Variants in RPA1 observed in about 807,000 individuals in gnomAD.
RPA1 encodes replication protein A1.
A neutral mutation model predicts 83.0 loss-of-function variants in RPA1; 49 were observed. The observed-to-expected ratio is 0.59, with a 90% CI of 0.47 to 0.75. RPA1 has a LOEUF of 0.75. RPA1 is among the 30% of genes least tolerant of loss of function. The pLI, the probability that RPA1 is intolerant of heterozygous loss-of-function variation, is 0.00. For missense variants in RPA1, 693 were observed against 776.1 expected (o/e 0.89, Z 1.27); for synonymous variants, 279 against 281.8 (o/e 0.99, Z 0.10).
chr17:1,867,110 G>C (rs1216423427), intron 5 of RPA1, among the ~76,000 whole-genome samples: 1 of 152,062 alleles, frequency 6.6e-6, no homozygotes, highest in East Asian at 1.9e-4. Context: ...AATTGGAGAG[G>C]GAATCGGGTA....
chr17:1,882,575 C>T (rs533172124), intron 12 of RPA1, among the ~76,000 whole-genome samples: 37 of 152,024 alleles, frequency 2.4e-4, no homozygotes, highest in African/African-American at 8.2e-4. Flanking sequence ...GGCTGAGGCA[C>T]GAGAATCACT....
At chr17:1,851,779 T>C (rs1215320282) in intron 4 of RPA1, among the ~76,000 whole-genome samples, 1 of 152,198 alleles carries the variant, frequency 6.6e-6, no homozygotes, top group Non-Finnish European at 1.5e-5. Flanking sequence ...TTACAGGGAA[T>C]CTAGATACCA....
chr17:1,880,614 A>G lies in RPA1; in HGVS notation c.1164A>G (p.Gly388=). 2 of 1,614,008 alleles carry G rather than the reference A, an allele frequency of 1.2e-6. No individual in the cohort carries two copies. The highest frequency in any genetic ancestry group is 2.2e-5 in the South Asian group (2 of 91,066). ...GAGCCCGAGTCTCTGATTTCGGTGG[A>G]CGGAGCCTCTCCGTGCTGTCTTCAA... ...IKGARVSDFG[G]RSLSVLSSST... Residue 388 remains glycine (G), a synonymous_variant, in exon 12 of 17, where the codon GGA becomes GGG. Coordinates refer to ENST00000254719, the MANE Select transcript of RPA1 (RefSeq NM_002945.5).
intron 4 of RPA1, among the ~76,000 whole-genome samples, chr17:1,848,256 T>C (rs1273507922): frequency 1.3e-5 from 2 of 152,148 alleles, no homozygotes; most frequent in African/African-American, 4.8e-5. Flanking sequence ...ATAAACATGT[T>C]ATTTAAAAAG....
intron 12 of RPA1, among the ~76,000 whole-genome samples, chr17:1,883,461 T>TA (rs1251780515): frequency 3.9e-5 from 6 of 151,950 alleles, no homozygotes; most frequent in African/African-American, 1.5e-4. Context: ...GCGCCCAGCC[T>TA]AAAAAAAATT....
Position 1,897,310 on chromosome 17 carries a change from T to C in RPA1, c.*135T>C, listed in dbSNP as rs1914480985. 2 of 660,100 alleles carry C rather than the reference T, an allele frequency of 3.0e-6. No individual in the cohort carries two copies. The highest frequency in any genetic ancestry group is 5.2e-6 in the Non-Finnish European group (2 of 383,636). 40.9% of individuals were successfully genotyped at this position (660,100 alleles called of 1,614,324 possible). A position where few individuals can be genotyped will look rare whatever the true frequency, so the allele number is the denominator to read the frequency against. ...ATGGTGGACTAAGCAATTTCCCCCC[T>C]CGTGCGCATCTCAGAACCCATCGGT... On this transcript the variant is annotated 3_prime_UTR_variant, in exon 17 of 17. Coordinates refer to ENST00000254719, the MANE Select transcript of RPA1 (RefSeq NM_002945.5).
intron 5 of RPA1, among the ~76,000 whole-genome samples, chr17:1,871,188 A>G (rs918098719): frequency 1.3e-5 from 2 of 152,216 alleles, no homozygotes; most frequent in African/African-American, 4.8e-5. Context: ...TTTCACTGTC[A>G]ATAATCTGGC....
intron 5 of RPA1, among the ~76,000 whole-genome samples, chr17:1,855,248 C>T (rs1171803050): frequency 5.9e-5 from 9 of 152,014 alleles, no homozygotes; most frequent in Non-Finnish European, 1.3e-4. Context: ...CTGCAACCTC[C>T]GCCTCCCGGG....
chr17:1,833,882 T>C (rs973184702), intron 1 of RPA1, among the ~76,000 whole-genome samples: 12 of 142,368 alleles, frequency 8.4e-5, no homozygotes, highest in African/African-American at 3.1e-4. Context: ...TTCTTCACTT[T>C]TAAAAAGACT....
intron 5 of RPA1, among the ~76,000 whole-genome samples, chr17:1,864,724 C>T (rs1480438401): frequency 2.6e-5 from 4 of 151,650 alleles, no homozygotes; most frequent in African/African-American, 4.9e-5. Flanking sequence ...CATGGTGAAA[C>T]GCCGTCTCTA....
intron 4 of RPA1, among the ~76,000 whole-genome samples, chr17:1,849,664 T>C (rs1912407861): frequency 6.6e-6 from 1 of 151,840 alleles, no homozygotes; most frequent in African/African-American, 2.4e-5. Context: ...CTGTCAAAAC[T>C]TTGTTGGACG....
At chr17:1,855,551 T>A (rs889803807) in intron 5 of RPA1, among the ~76,000 whole-genome samples, 1 of 152,188 alleles carries the variant, frequency 6.6e-6, no homozygotes, top group Non-Finnish European at 1.5e-5. Flanking sequence ...GTATTATTCT[T>A]TTTACATATT....
At chr17:1,869,163 A>T (rs1308318046) in intron 5 of RPA1, among the ~76,000 whole-genome samples, 2 of 152,208 alleles carry the variant, frequency 1.3e-5, no homozygotes, top group East Asian at 3.8e-4. Context: ...TTTCTCTGCG[A>T]TGGCTCACTT....
At position 1,888,632 on chromosome 17, in the gene RPA1, G is replaced by C. The variant is rs375592318; in HGVS notation, c.1375-43G>C. 9.4e-5 allele frequency: 147 copies of C among 1,571,708 alleles called. 1 individual carries two copies. In the South Asian group the frequency reaches 1.5e-3, roughly 16 times the overall value. The stretch of plus-strand genomic sequence containing the variant: ...GCTGCCTCTCGGTCCGATCCTGGGC[G>C]GGCTCGCGACTCCGTGCCTCATGCT... On this transcript the variant is annotated intron_variant, in intron 13 of 16. Transcript: ENST00000254719.
chr17:1,897,270 G>A lies in RPA1; in HGVS notation c.*95G>A. 1 of 915,602 alleles carries A rather than the reference G, an allele frequency of 1.1e-6. No individual in the cohort carries two copies. Among genetic ancestry groups the A allele is most frequent in the Non-Finnish European group, 1.7e-6 (1 of 602,756 alleles). The allele number at this position is 915,602 out of a possible 1,614,324, so 56.7% of individuals were successfully genotyped here. On this transcript the variant is annotated 3_prime_UTR_variant, in exon 17 of 17. Coordinates refer to ENST00000254719, the MANE Select transcript of RPA1 (RefSeq NM_002945.5). Reference sequence around the variant, plus strand: ...GTGACGATCCCATGTTAGCTACACAGTGCAGAGGCTCTTGATGGTGGACTA... The same window carrying A: ...GTGACGATCCCATGTTAGCTACACAATGCAGAGGCTCTTGATGGTGGACTA...
chr17:1,852,956 G>A (rs534829361), intron 4 of RPA1, 145 bp from the exon 5 acceptor site: 25 of 649,666 alleles, frequency 3.8e-5, no homozygotes, highest in Middle Eastern at 3.7e-4. Flanking sequence ...ATGATGCGGC[G>A]AAAGATGAAG....
intron 1 of RPA1, among the ~76,000 whole-genome samples, chr17:1,841,630 C>G (rs1289827967): frequency 6.6e-6 from 1 of 152,150 alleles, no homozygotes. Flanking sequence ...CTTTTTTTCC[C>G]TTGCCCTATT....
At chr17:1,888,610 G>A in intron 13 of RPA1, 65 bp from the exon 14 acceptor site, 1 of 1,520,814 alleles carries the variant, frequency 6.6e-7, no homozygotes. Context: ...GCTTTGAGCT[G>A]CCTCTCGGTC....
intron 15 of RPA1, among the ~76,000 whole-genome samples, chr17:1,894,383 T>C (rs1597463339): frequency 6.6e-6 from 1 of 152,136 alleles, no homozygotes; most frequent in South Asian, 2.1e-4. Flanking sequence ...GCCAGGCTGG[T>C]CTTGAACTCC....
Sources: allele counts gnomAD v4.1 joint callset (sites outside exome capture counted in the v4.1 genomes callset), GRCh38; gene constraint gnomAD v4.1.1; transcripts MANE v1.5; gene names NCBI Gene and HGNC (gene_info 2026-07-23, HGNC 2026-07-21).